Variants in SLC24A3 observed in about 807,000 individuals in gnomAD.
The protein encoded by SLC24A3 is solute carrier family 24 member 3.
Under a neutral mutation model 75.8 loss-of-function variants are expected in SLC24A3, and 28 were observed. That is an observed-to-expected ratio of 0.37 (90% CI 0.27 to 0.51). The LOEUF (loss-of-function observed/expected upper bound fraction) is 0.51, where lower values mean the gene tolerates loss of function less well. SLC24A3 is among the 20% of genes least tolerant of loss of function. SLC24A3 has a pLI of 0.94. For missense variants in SLC24A3, 663 were observed against 847.8 expected (o/e 0.78, Z 2.71); for synonymous variants, 372 against 334.1 (o/e 1.11, Z -1.24).
intron 1 of SLC24A3, among the ~76,000 whole-genome samples, chr20:19,269,199 C>T (rs985041275): frequency 6.6e-6 from 1 of 152,224 alleles, no homozygotes; most frequent in African/African-American, 2.4e-5. Flanking sequence ...CTGGTAGCTA[C>T]CATGTTGGAC....
chr20:19,585,134 C>A, intron 5 of SLC24A3, 79 bp downstream of exon 5: 3 of 1,284,958 alleles, frequency 2.3e-6, no homozygotes, highest in Non-Finnish European at 3.3e-6. Context: ...GCCCCCAGAC[C>A]GAGATTGTCT....
chr20:19,301,034 C>T (rs544251929), intron 2 of SLC24A3, among the ~76,000 whole-genome samples: 1 of 152,188 alleles, frequency 6.6e-6, no homozygotes, highest in Non-Finnish European at 1.5e-5. Flanking sequence ...CACCGAGCCT[C>T]TGACCTTAGG....
chr20:19,653,341 G>A (rs28678349), intron 6 of SLC24A3, among the ~76,000 whole-genome samples: 51 of 152,294 alleles, frequency 3.3e-4, no homozygotes, highest in African/African-American at 1.2e-3. Flanking sequence ...CTTTAAAAAG[G>A]GCTATCTCCA....
At chr20:19,584,844 C>T (rs1600290689) in intron 4 of SLC24A3, 127 bp from the exon 5 acceptor site, 5 of 738,016 alleles carry the variant, frequency 6.8e-6, no homozygotes, top group Admixed American at 2.5e-5. Context: ...CCCCAGGTCC[C>T]ATCGGTCCTA....
At chr20:19,414,946 C>T (rs1986803292) in intron 2 of SLC24A3, among the ~76,000 whole-genome samples, 1 of 152,158 alleles carries the variant, frequency 6.6e-6, no homozygotes, top group Admixed American at 6.5e-5. Context: ...TGAGTTTTCT[C>T]CCACTTCTTT....
chr20:19,285,414 G>T (rs1415215133), intron 2 of SLC24A3, among the ~76,000 whole-genome samples: 2 of 143,988 alleles, frequency 1.4e-5, no homozygotes, highest in South Asian at 2.2e-4. Flanking sequence ...GGAGATGGAG[G>T]TTGCAGTGAG....
At chr20:19,527,837 C>G (rs2030226736) in intron 3 of SLC24A3, among the ~76,000 whole-genome samples, 1 of 152,166 alleles carries the variant, frequency 6.6e-6, no homozygotes, top group African/African-American at 2.4e-5. Context: ...AAATTATTTC[C>G]CTGAAGGATT....
intron 2 of SLC24A3, among the ~76,000 whole-genome samples, chr20:19,432,413 A>G (rs543612040): frequency 3.9e-5 from 6 of 152,116 alleles, no homozygotes; most frequent in African/African-American, 7.2e-5. Flanking sequence ...AAAGTATTAG[A>G]TTGCTTTTTC....
At chr20:19,610,313 T>C (rs1332534844) in intron 6 of SLC24A3, among the ~76,000 whole-genome samples, 2 of 152,176 alleles carry the variant, frequency 1.3e-5, no homozygotes, top group Non-Finnish European at 2.9e-5. Flanking sequence ...TTCTCCAAGG[T>C]GTACAACATT....
chr20:19,669,154 G>T (rs750507667), intron 8 of SLC24A3, among the ~76,000 whole-genome samples: 3 of 152,168 alleles, frequency 2.0e-5, no homozygotes, highest in Non-Finnish European at 2.9e-5. Context: ...AGAGGCAGGG[G>T]AATAGTGGTG....
intron 2 of SLC24A3, among the ~76,000 whole-genome samples, chr20:19,441,485 A>G (rs1019586598): frequency 6.6e-6 from 1 of 152,166 alleles, no homozygotes; most frequent in South Asian, 2.1e-4. Context: ...AAATATATTT[A>G]ATGTTTATTT....
chr20:19,224,278 A>G (rs2122137470), intron 1 of SLC24A3, among the ~76,000 whole-genome samples: 1 of 152,328 alleles, frequency 6.6e-6, no homozygotes, highest in South Asian at 2.1e-4. Context: ...TTTTAGTACA[A>G]AAGGAGTAGT....
At chr20:19,702,841 T>A (rs1434949774) in intron 15 of SLC24A3, among the ~76,000 whole-genome samples, 3 of 152,180 alleles carry the variant, frequency 2.0e-5, no homozygotes, top group Admixed American at 6.5e-5. Context: ...AAAGGAGATT[T>A]CATTTTGAGC....
At chr20:19,298,452 T>C (rs1460524764) in intron 2 of SLC24A3, among the ~76,000 whole-genome samples, 1 of 152,190 alleles carries the variant, frequency 6.6e-6, no homozygotes, top group Admixed American at 6.5e-5. Flanking sequence ...ATTAATATGT[T>C]GCTCTGCCAT....
intron 3 of SLC24A3, among the ~76,000 whole-genome samples, chr20:19,521,279 A>G (rs1053379988): frequency 9.2e-5 from 14 of 152,052 alleles, no homozygotes; most frequent in South Asian, 2.1e-4. Flanking sequence ...TCAGTTTCCT[A>G]ATTTATAGTC....
chr20:19,360,804 C>G (rs867924310), intron 2 of SLC24A3, among the ~76,000 whole-genome samples: 20 of 152,022 alleles, frequency 1.3e-4, no homozygotes, highest in South Asian at 8.3e-4. Flanking sequence ...CCTCAAAACC[C>G]TATTGAAGTA....
chr20:19,494,335 T>G (rs1988250710), intron 2 of SLC24A3, among the ~76,000 whole-genome samples: 1 of 152,214 alleles, frequency 6.6e-6, no homozygotes, highest in African/African-American at 2.4e-5. Context: ...TGCAGTAAAC[T>G]GGCTCCATCT....
intron 15 of SLC24A3, among the ~76,000 whole-genome samples, chr20:19,716,416 TG>T (rs2033047139): frequency 1.6e-5 from 1 of 63,002 alleles, no homozygotes. Context: ...AGATTAAAAC[TG>T]TTTCTTTTTT....
intron 2 of SLC24A3, among the ~76,000 whole-genome samples, chr20:19,356,460 G>A (rs1421393756): frequency 2.0e-5 from 3 of 152,234 alleles, no homozygotes; most frequent in Non-Finnish European, 4.4e-5. Flanking sequence ...CTCCTGCAAT[G>A]TGCTTTTTCC....
Sources: allele counts gnomAD v4.1 joint callset (sites outside exome capture counted in the v4.1 genomes callset), GRCh38; gene constraint gnomAD v4.1.1; transcripts MANE v1.5; gene names NCBI Gene and HGNC (gene_info 2026-07-23, HGNC 2026-07-21).